LDB2: variants seen among roughly 807,000 people sequenced by gnomAD.
LDB2 encodes the protein LIM domain-binding protein 2.
A neutral mutation model predicts 44.3 loss-of-function variants in LDB2; 12 were observed. That is an observed-to-expected ratio of 0.27 (90% CI 0.17 to 0.44). The LOEUF (loss-of-function observed/expected upper bound fraction) is 0.44, where lower values mean the gene tolerates loss of function less well. Among genes scored for constraint, LDB2 ranks in the 20% least tolerant of loss-of-function variants. The probability of loss-of-function intolerance (pLI) is 1.00; values close to 1 mark genes in which losing one functional copy is unlikely to be tolerated. For missense variants in LDB2, 344 were observed against 473.5 expected, an observed-to-expected ratio of 0.73 and a Z score of 2.54; for synonymous variants, 164 against 174.8, an observed-to-expected ratio of 0.94 and a Z score of 0.49.
chr4:16,563,259 A>G (rs1743103553), intron 5 of LDB2, among the ~76,000 whole-genome samples: 2 of 151,558 alleles, frequency 1.3e-5, no homozygotes, highest in South Asian at 2.1e-4. Flanking sequence ...AAAGGAAGCT[A>G]GATCTCCCTC....
chr4:16,726,562 A>G (rs1759514231), intron 2 of LDB2: 1 of 152,178 alleles, frequency 6.6e-6, no homozygotes, highest in South Asian at 2.1e-4. Flanking sequence ...GGAGTTCACC[A>G]TTGGCCAACT....
intron 5 of LDB2, among the ~76,000 whole-genome samples, chr4:16,577,876 A>G (rs1387461743): frequency 6.6e-6 from 1 of 152,204 alleles, no homozygotes; most frequent in Non-Finnish European, 1.5e-5. Flanking sequence ...GACATAAACC[A>G]GTGGAACAGA....
At chr4:16,797,784 C>A (rs1312667152) in intron 1 of LDB2, among the ~76,000 whole-genome samples, 1 of 151,898 alleles carries the variant, frequency 6.6e-6, no homozygotes, top group Non-Finnish European at 1.5e-5. Flanking sequence ...CCCCTGTAAT[C>A]CCAGCATTTT....
At chr4:16,740,120 G>T (rs1762939693) in intron 2 of LDB2, among the ~76,000 whole-genome samples, 1 of 152,038 alleles carries the variant, frequency 6.6e-6, no homozygotes, top group Admixed American at 6.5e-5. Context: ...ACTTGGAATT[G>T]GAGATGGGAA....
rs143495055 is a variant in LDB2, at chr4:16,526,244, G to A, written c.616-14140C>T. ...GGCAGAGAAAGGTGAATTCTCTCTCGCTTTTCTGGAGCTGGGACACCCTTC... is the reference window on the plus strand; with the variant it reads ...GGCAGAGAAAGGTGAATTCTCTCTCACTTTTCTGGAGCTGGGACACCCTTC... On this transcript the variant is annotated intron_variant, in intron 5 of 7. Coordinates refer to ENST00000304523, the MANE Select transcript of LDB2 (RefSeq NM_001290.5). Among the ~76,000 whole-genome samples, 11 of 152,220 alleles carry A rather than the reference G, an allele frequency of 7.2e-5. No homozygotes were observed. In the East Asian group the frequency reaches 1.4e-3, roughly 19 times the overall value.
intron 2 of LDB2, among the ~76,000 whole-genome samples, chr4:16,723,532 A>G (rs1561000902): frequency 6.6e-6 from 1 of 152,170 alleles, no homozygotes; most frequent in Non-Finnish European, 1.5e-5. Flanking sequence ...TAAATTTCCA[A>G]TACATGAACA....
At chr4:16,554,122 C>T (rs1215209990) in intron 5 of LDB2, among the ~76,000 whole-genome samples, 2 of 151,154 alleles carry the variant, frequency 1.3e-5, no homozygotes, top group Middle Eastern at 3.5e-3. Flanking sequence ...GCAATCTCGG[C>T]TCACCACAAC....
chr4:16,668,308 G>C (rs1743848866), intron 2 of LDB2, among the ~76,000 whole-genome samples: 2 of 152,130 alleles, frequency 1.3e-5, no homozygotes, highest in Admixed American at 6.5e-5. Context: ...GAAATTGCCT[G>C]TTCCCCTCCT....
intron 1 of LDB2, among the ~76,000 whole-genome samples, chr4:16,809,340 T>C (rs907036876): frequency 6.6e-6 from 1 of 151,572 alleles, no homozygotes; most frequent in African/African-American, 2.4e-5. Flanking sequence ...TAAGCTCATA[T>C]GGTAAAAAAA....
At chr4:16,683,828 C>A (rs1487769553) in intron 2 of LDB2, among the ~76,000 whole-genome samples, 1 of 152,210 alleles carries the variant, frequency 6.6e-6, no homozygotes, top group Non-Finnish European at 1.5e-5. Flanking sequence ...GCTTACCTTG[C>A]AGGGATGCAA....
chr4:16,609,019 G>A (rs1180866397), intron 2 of LDB2, among the ~76,000 whole-genome samples: 2 of 152,148 alleles, frequency 1.3e-5, no homozygotes, highest in East Asian at 3.9e-4. Context: ...CGTAATAAGC[G>A]AGTGAATCCT....
intron 2 of LDB2, among the ~76,000 whole-genome samples, chr4:16,712,557 A>G (rs1208960182): frequency 6.6e-6 from 1 of 152,180 alleles, no homozygotes; most frequent in Non-Finnish European, 1.5e-5. Flanking sequence ...GTCTCAAAAA[A>G]AACAAAAAGA....
chr4:16,607,894 CG>C (rs1724386624), intron 2 of LDB2, among the ~76,000 whole-genome samples: 1 of 152,098 alleles, frequency 6.6e-6, no homozygotes, highest in Admixed American at 6.6e-5. Context: ...TGCATACGCA[CG>C]GGTTTCTAAC....
intron 1 of LDB2, among the ~76,000 whole-genome samples, chr4:16,877,118 C>A (rs931063473): frequency 2.2e-4 from 33 of 152,202 alleles, no homozygotes; most frequent in African/African-American, 7.5e-4. Flanking sequence ...CTTTAATATG[C>A]AACTGGCAAG....
intron 2 of LDB2, among the ~76,000 whole-genome samples, chr4:16,633,973 T>C (rs535537711): frequency 6.6e-6 from 1 of 152,140 alleles, no homozygotes; most frequent in African/African-American, 2.4e-5. Flanking sequence ...TCTACCACCA[T>C]CTGATCTTTG....
chr4:16,873,028 G>A (rs1717178169), intron 1 of LDB2, among the ~76,000 whole-genome samples: 1 of 152,084 alleles, frequency 6.6e-6, no homozygotes, highest in African/African-American at 2.4e-5. Flanking sequence ...CATCTAATGG[G>A]GGTTCAAAAA....
At chr4:16,683,984 G>A (rs1217805132) in intron 2 of LDB2, among the ~76,000 whole-genome samples, 1 of 152,152 alleles carries the variant, frequency 6.6e-6, no homozygotes, top group Admixed American at 6.5e-5. Flanking sequence ...TCTATTAGCA[G>A]TAATGGATCA....
At chr4:16,608,878 A>C (rs1724743321) in intron 2 of LDB2, among the ~76,000 whole-genome samples, 1 of 152,188 alleles carries the variant, frequency 6.6e-6, no homozygotes, top group Non-Finnish European at 1.5e-5. Context: ...TGCAGGTCAC[A>C]GCTCAGGCTT....
At chr4:16,610,467 T>C (rs1034539183) in intron 2 of LDB2, among the ~76,000 whole-genome samples, 2 of 152,108 alleles carry the variant, frequency 1.3e-5, no homozygotes, top group African/African-American at 4.8e-5. Flanking sequence ...AGAACTTTGA[T>C]AAAAGGTTAG....
Sources: allele counts gnomAD v4.1 joint callset (sites outside exome capture counted in the v4.1 genomes callset), GRCh38; gene constraint gnomAD v4.1.1; transcripts MANE v1.5; gene names NCBI Gene and HGNC (gene_info 2026-07-23, HGNC 2026-07-21).